The following DAB1 variants were observed in gnomAD, a reference collection of about 807,000 sequenced individuals.
DAB1 encodes the protein DAB adaptor protein 1, also known as disabled homolog 1.
DAB1 carries 15 observed loss-of-function variants against 64.6 expected under a neutral mutation model. That is an observed-to-expected ratio of 0.23 (90% CI 0.16 to 0.36). The LOEUF is 0.36. Among genes scored for constraint, DAB1 ranks in the 10% least tolerant of loss-of-function variants. The probability of loss-of-function intolerance (pLI) is 1.00; values close to 1 mark genes in which losing one functional copy is unlikely to be tolerated. For missense variants in DAB1, 596 were observed against 706.7 expected (o/e 0.84, Z 1.78); for synonymous variants, 235 against 251.9 (o/e 0.93, Z 0.64).
intron 6 of DAB1, among the ~76,000 whole-genome samples, chr1:57,664,718 T>A (rs1434407894): frequency 6.6e-6 from 1 of 152,022 alleles, no homozygotes. Flanking sequence ...TCAGTAACAG[T>A]GGTCTGGATA....
At chr1:57,291,247 A>G (rs927959403) in intron 1 of DAB1, 81 bp from the exon 2 acceptor site, 1 of 393,012 alleles carries the variant, frequency 2.5e-6, no homozygotes, top group Non-Finnish European at 4.5e-6. Context: ...GAATTGGCAA[A>G]CATATACAAA....
intron 2 of DAB1, among the ~76,000 whole-genome samples, chr1:57,244,790 A>G (rs1668741561): frequency 6.6e-6 from 1 of 152,252 alleles, no homozygotes; most frequent in African/African-American, 2.4e-5. Context: ...TCTGGAGGAA[A>G]AAATGCTATA....
At chr1:57,534,364 T>C (rs941751455) in intron 7 of DAB1, among the ~76,000 whole-genome samples, 2 of 152,200 alleles carry the variant, frequency 1.3e-5, no homozygotes, top group Non-Finnish European at 2.9e-5. Context: ...CTGTGTTGGC[T>C]GCCAGCATGA....
At chr1:57,668,048 A>T (rs1570721148) in intron 6 of DAB1, among the ~76,000 whole-genome samples, 2 of 152,202 alleles carry the variant, frequency 1.3e-5, no homozygotes, top group South Asian at 4.2e-4. Context: ...AAAATTTTTA[A>T]AAAGAAATAT....
chr1:57,441,282 C>A (rs1216498074), intron 7 of DAB1, among the ~76,000 whole-genome samples: 2 of 37,014 alleles, frequency 5.4e-5, no homozygotes, highest in Non-Finnish European at 7.9e-5. Flanking sequence ...CTCTTTCTTT[C>A]TTTCTTTCTT....
At chr1:57,011,108 A>G (rs1414192158) in intron 13 of DAB1, 37 bp downstream of exon 13, 1 of 1,612,770 alleles carries the variant, frequency 6.2e-7, no homozygotes, top group Non-Finnish European at 8.5e-7. Context: ...CTTAATTTTA[A>G]GGAAAAACAC....
intron 6 of DAB1, among the ~76,000 whole-genome samples, chr1:57,737,640 G>C (rs955888039): frequency 6.6e-6 from 1 of 152,180 alleles, no homozygotes; most frequent in Non-Finnish European, 1.5e-5. Flanking sequence ...TGAGTGGAAG[G>C]CTTCCTGGAG....
chr1:58,275,717 C>T (rs1661427807), intron 4 of DAB1, among the ~76,000 whole-genome samples: 1 of 152,158 alleles, frequency 6.6e-6, no homozygotes, highest in Non-Finnish European at 1.5e-5. Flanking sequence ...AGCCTATGTA[C>T]TCTTTGTGGG....
At chr1:57,266,007 C>T (rs1224636400) in intron 2 of DAB1, among the ~76,000 whole-genome samples, 1 of 152,160 alleles carries the variant, frequency 6.6e-6, no homozygotes, top group African/African-American at 2.4e-5. Flanking sequence ...TTGAGTGCCA[C>T]ACATGAGGCA....
intron 5 of DAB1, among the ~76,000 whole-genome samples, chr1:57,961,706 C>T (rs890425175): frequency 3.3e-5 from 5 of 152,158 alleles, no homozygotes; most frequent in Admixed American, 6.5e-5. Flanking sequence ...TGGTGGCTCA[C>T]GCCTGTAATC....
chr1:57,071,979 C>T (rs6657073), intron 5 of DAB1, among the ~76,000 whole-genome samples: 28,102 of 149,872 alleles, frequency 0.19, 3,373 homozygotes, highest in Middle Eastern at 0.31. Flanking sequence ...AGGCTATGAA[C>T]GCAAGGAAAC....
chr1:58,379,253 A>G (rs1477897351), intron 3 of DAB1, among the ~76,000 whole-genome samples: 2 of 152,238 alleles, frequency 1.3e-5, no homozygotes, highest in Non-Finnish European at 2.9e-5. Context: ...TGGAAGTAGC[A>G]GTCAGTGATT....
At chr1:57,611,860 C>G (rs964236626) in intron 7 of DAB1, among the ~76,000 whole-genome samples, 1 of 152,192 alleles carries the variant, frequency 6.6e-6, no homozygotes, top group African/African-American at 2.4e-5. Flanking sequence ...GCTATAAATC[C>G]TCTAAGGTCT....
intron 3 of DAB1, among the ~76,000 whole-genome samples, chr1:58,377,889 G>A (rs916396797): frequency 1.4e-5 from 2 of 141,078 alleles, no homozygotes; most frequent in East Asian, 2.0e-4. Flanking sequence ...CTTCTTATTC[G>A]TTTTTCTCTA....
At chr1:58,501,231 CA>C (rs1334171916) in intron 3 of DAB1, among the ~76,000 whole-genome samples, 1 of 152,036 alleles carries the variant, frequency 6.6e-6, no homozygotes, top group Admixed American at 6.6e-5. Context: ...TCTTGAAATT[CA>C]CATTTAAAAA....
Position 57,271,028 on chromosome 1 carries a change from G to T in DAB1, c.67+19936C>A, listed in dbSNP as rs533061112. Among the ~76,000 whole-genome samples, 4 of 152,308 alleles carry T rather than the reference G, an allele frequency of 2.6e-5. No homozygotes were observed. The South Asian group carries it at 8.3e-4, about 32-fold the overall frequency. On this transcript the variant is annotated intron_variant, in intron 2 of 14. Coordinates refer to ENST00000371236, the MANE Select transcript of DAB1 (RefSeq NM_001365792.1). ...TAGGTCAGTCACCCAAAGTATAAAAGTTGGAAGACGCTAATGCAAAAATGC... is the reference window on the plus strand; with the variant it reads ...TAGGTCAGTCACCCAAAGTATAAAATTTGGAAGACGCTAATGCAAAAATGC...
intron 7 of DAB1, among the ~76,000 whole-genome samples, chr1:57,625,340 TC>T (rs1645909324): frequency 6.6e-6 from 1 of 152,096 alleles, no homozygotes; most frequent in Non-Finnish European, 1.5e-5. Context: ...TTTGTTTGCC[TC>T]ATGCCCCATC....
At chr1:58,064,250 C>T (rs968910096) in intron 5 of DAB1, among the ~76,000 whole-genome samples, 1 of 152,166 alleles carries the variant, frequency 6.6e-6, no homozygotes, top group Non-Finnish European at 1.5e-5. Flanking sequence ...AATTAATGAA[C>T]ACACAACCCA....
In DAB1 at chr1:57,908,414, G is replaced by A. The variant is rs564294953; in HGVS notation, n.388-24252C>T. Among the ~76,000 whole-genome samples, 253 of 152,202 alleles carry A rather than the reference G, an allele frequency of 1.7e-3. 2 individuals carry two copies. The highest frequency in any genetic ancestry group is 0.015 in the Admixed American group (223 of 15,290). ...AACCAATATAGATTTATTGCTTAAC[G>A]CTAGAGAGAAGAGAGCCAGGGAGGG... On this transcript the variant is annotated intron_variant and non_coding_transcript_variant, in intron 5 of 20. Coordinates refer to the DAB1 transcript ENST00000485760.
Sources: gnomAD v4.1 joint callset for allele counts (sites outside exome capture counted in the v4.1 genomes callset) on GRCh38, gnomAD v4.1.1 for gene constraint, MANE v1.5 for transcripts, NCBI Gene and HGNC (gene_info 2026-07-23, HGNC 2026-07-21) for gene names.